Variants in TMX4 observed in about 807,000 individuals in gnomAD.
TMX4 encodes thioredoxin-related transmembrane protein 4.
Under a neutral mutation model 33.3 loss-of-function variants are expected in TMX4, and 23 were observed. The observed-to-expected ratio is 0.69, with a 90% CI of 0.50 to 0.98. TMX4 has a LOEUF of 0.98. Ranked by LOEUF, TMX4 falls within the 50% of genes least tolerant of loss-of-function variation. The pLI, the probability that TMX4 is intolerant of heterozygous loss-of-function variation, is 0.00. For synonymous variants in TMX4, 164 were observed against 161.5 expected (o/e 1.02, Z -0.12); for missense variants, 399 against 448.9 (o/e 0.89, Z 1.01).
chr20:8,001,768 T>C (rs1211602379), intron 2 of TMX4, among the ~76,000 whole-genome samples: 3 of 152,196 alleles, frequency 2.0e-5, no homozygotes, highest in African/African-American at 7.2e-5. Flanking sequence ...GCTGAAAGGA[T>C]AGGATTTAGA....
At chr20:7,991,644 AGCATTG>A (rs1047268272) in intron 5 of TMX4, among the ~76,000 whole-genome samples, 5 of 152,252 alleles carry the variant, frequency 3.3e-5, no homozygotes, top group Non-Finnish European at 4.4e-5. Context: ...GCCTGCTATC[AGCATTG>A]GCTAAAAAAA....
chr20:7,982,096 C>T lies in TMX4; in HGVS notation c.*155G>A, dbSNP rs1314943671. Reference sequence around the variant, plus strand: ...CACCTGGAAGACTCTCCTTAGTATACATGAGGCTTACTGCCATGAGACCAA... The same window carrying T: ...CACCTGGAAGACTCTCCTTAGTATATATGAGGCTTACTGCCATGAGACCAA... On this transcript the variant is annotated 3_prime_UTR_variant, in exon 8 of 8. Coordinates refer to ENST00000246024, the MANE Select transcript of TMX4 (RefSeq NM_021156.4). 2 of 717,772 alleles carry T rather than the reference C, an allele frequency of 2.8e-6. No individual in the cohort carries two copies. Among genetic ancestry groups the T allele is most frequent in the African/African-American group, 1.8e-5 (1 of 55,802 alleles). 44.5% of individuals were successfully genotyped at this position (717,772 alleles called of 1,614,324 possible). A position where few individuals can be genotyped will look rare whatever the true frequency, so the allele number is the denominator to read the frequency against.
intron 1 of TMX4, among the ~76,000 whole-genome samples, chr20:8,010,542 A>C (rs1220695474): frequency 6.6e-6 from 1 of 152,150 alleles, no homozygotes; most frequent in Non-Finnish European, 1.5e-5. Context: ...GTTTGAGAAT[A>C]TTTCCAATAA....
intron 1 of TMX4, among the ~76,000 whole-genome samples, chr20:8,012,340 T>C (rs1444451691): frequency 2.6e-5 from 4 of 152,084 alleles, no homozygotes; most frequent in East Asian, 1.9e-4. Flanking sequence ...ATTTATTTAA[T>C]AGGAGCAACC....
Position 8,010,259 on chromosome 20 carries a change from G to A in TMX4, c.233C>T (p.Ala78Val). 6.2e-7 allele frequency: 1 copy of A among 1,611,904 alleles called. No homozygotes were observed. Among genetic ancestry groups the A allele is most frequent in the Non-Finnish European group, 8.5e-7 (1 of 1,178,532 alleles). The change falls in exon 2 of 8, where the codon GCA becomes GTA. Residue 78 changes from alanine to valine, a missense_variant. Transcript: ENST00000246024. ...QQTDSEWEAF[A>V]KNGEILQISV... The stretch of plus-strand genomic sequence containing the variant: ...GATCTGAAGTATTTCACCATTCTTT[G>A]CAAAAGCCTCCCATTCTGAATCAGT...
chr20:8,005,348 G>A (rs1388387698), intron 2 of TMX4, among the ~76,000 whole-genome samples: 1 of 152,182 alleles, frequency 6.6e-6, no homozygotes, highest in African/African-American at 2.4e-5. Flanking sequence ...TATTAAACAG[G>A]CAATGTAATG....
At chr20:8,015,668 T>C (rs571603577) in intron 1 of TMX4, among the ~76,000 whole-genome samples, 1 of 152,332 alleles carries the variant, frequency 6.6e-6, no homozygotes, top group South Asian at 2.1e-4. Flanking sequence ...AGACAATCTA[T>C]TAAACTGCAA....
Position 7,981,369 on chromosome 20 carries a change from A to C in TMX4, c.*882T>G, listed in dbSNP as rs2122847813. The C allele has an allele frequency of 6.6e-6, 1 of 152,320 alleles. No individual in the cohort carries two copies. Among genetic ancestry groups the C allele is most frequent in the East Asian group, 1.9e-4 (1 of 5,182 alleles). 9.4% of individuals were successfully genotyped at this position (152,320 alleles called of 1,614,324 possible). On this transcript the variant is annotated 3_prime_UTR_variant, in exon 8 of 8. Coordinates refer to ENST00000246024, the MANE Select transcript of TMX4 (RefSeq NM_021156.4). ...GACTTAGAGGACTTCTGGCTTGAAAAATATTGCTTAGAAAACTTAAAAAAA... is the reference window on the plus strand; with the variant it reads ...GACTTAGAGGACTTCTGGCTTGAAACATATTGCTTAGAAAACTTAAAAAAA...
chr20:7,987,848 T>C (rs2050637510), intron 5 of TMX4, among the ~76,000 whole-genome samples: 1 of 152,184 alleles, frequency 6.6e-6, no homozygotes, highest in East Asian at 1.9e-4. Context: ...CTCTCATTGC[T>C]CTACACCTAT....
rs929821789 is a variant in TMX4 at position 7,978,099 on chromosome 20, T to C, written c.*4152A>G. The C allele has an allele frequency of 6.6e-6, 1 of 152,182 alleles. No homozygotes were observed. Among genetic ancestry groups the C allele is most frequent in the African/African-American group, 2.4e-5 (1 of 41,444 alleles). The allele number at this position is 152,182 out of a possible 1,614,324, so 9.4% of individuals were successfully genotyped here. The stretch of plus-strand genomic sequence containing the variant: ...GGAACTTTTCTGTTGGCATAAGAGA[T>C]TTGAATGAATTCTTTCGAAAATGTT... On this transcript the variant is annotated 3_prime_UTR_variant, in exon 8 of 8. Transcript: ENST00000246024.
At chr20:8,014,127 C>T (rs1032281085) in intron 1 of TMX4, among the ~76,000 whole-genome samples, 5 of 152,184 alleles carry the variant, frequency 3.3e-5, no homozygotes, top group African/African-American at 9.7e-5. Flanking sequence ...ATTTCTAGAA[C>T]GTGTTATCAC....
intron 5 of TMX4, 40 bp downstream of exon 5, chr20:7,995,986 C>A (rs201552288): frequency 1.4e-6 from 2 of 1,476,962 alleles, no homozygotes; most frequent in East Asian, 4.5e-5. Context: ...TTATTCTTAA[C>A]CTCTCTGCAA....
rs113660648 is a variant in TMX4, at chr20:7,983,385, A to G, written c.679+409T>C. On this transcript the variant is annotated intron_variant, in intron 7 of 7. Transcript: ENST00000246024. Reference sequence around the variant, plus strand: ...AATAGTCTGGAATAAAGACATGCAAATCCAGAGGCACCTGGCCCCAGAAGA... The same window carrying G: ...AATAGTCTGGAATAAAGACATGCAAGTCCAGAGGCACCTGGCCCCAGAAGA... Among the ~76,000 whole-genome samples the G allele has an allele frequency of 3.3e-3, 509 of 152,292 alleles. 4 individuals are homozygous for G. Among genetic ancestry groups the G allele is most frequent in the African/African-American group, 0.011 (470 of 41,562 alleles).
chr20:7,993,913 T>C (rs535140618), intron 5 of TMX4, among the ~76,000 whole-genome samples: 2 of 152,254 alleles, frequency 1.3e-5, no homozygotes, highest in East Asian at 1.9e-4. Context: ...TCCCAATAAA[T>C]ATAAATGGAT....
In TMX4 at chr20:7,982,051, T is replaced by C; in HGVS notation, c.*200A>G. ...AACAGATCCCAACACTACGTTTGTT[T>C]TTCTATATCCTGATTGTCACACCTG... is the stretch of plus-strand genomic sequence containing the variant. On this transcript the variant is annotated 3_prime_UTR_variant, in exon 8 of 8. Transcript: ENST00000246024. The C allele has an allele frequency of 3.4e-6, 2 of 585,784 alleles. No homozygotes were observed. The highest frequency in any genetic ancestry group is 5.9e-6 in the Non-Finnish European group (2 of 338,436). The allele number at this position is 585,784 out of a possible 1,614,324, so 36.3% of individuals were successfully genotyped here. A position where few individuals can be genotyped will look rare whatever the true frequency, so the allele number is the denominator to read the frequency against.
At position 7,982,449 on chromosome 20, in the gene TMX4, G is replaced by C; in HGVS notation, c.852C>G (p.Asn284Lys). ...DEAEEEEEED[N>K]LAAGVDEERS... ...TCTCCTCATCCACACCAGCAGCCAA[G>C]TTGTCCTCCTCCTCTTCTTCCTCTG... The change falls in exon 8 of 8, where the codon AAC (asparagine) becomes AAG (lysine). Residue 284 changes from asparagine to lysine, a missense_variant. Asn to Lys is a moderately conservative substitution (Grantham distance 94). Transcript: ENST00000246024. The C allele has an allele frequency of 6.2e-7, 1 of 1,614,076 alleles. No individual in the cohort carries two copies. Among genetic ancestry groups the C allele is most frequent in the Non-Finnish European group, 8.5e-7 (1 of 1,180,008 alleles).
intron 1 of TMX4, among the ~76,000 whole-genome samples, chr20:8,017,254 T>C (rs2050779591): frequency 6.6e-6 from 1 of 152,210 alleles, no homozygotes; most frequent in Non-Finnish European, 1.5e-5. Flanking sequence ...TCAATTTTCA[T>C]TGACAGCCTT....
intron 1 of TMX4, among the ~76,000 whole-genome samples, chr20:8,017,166 G>C (rs1356775152): frequency 6.6e-6 from 1 of 152,072 alleles, no homozygotes; most frequent in Non-Finnish European, 1.5e-5. Flanking sequence ...ATCACAAATA[G>C]ATAAGAACCA....
At chr20:8,004,387 G>A (rs1011924856) in intron 2 of TMX4, among the ~76,000 whole-genome samples, 1 of 152,172 alleles carries the variant, frequency 6.6e-6, no homozygotes, top group Non-Finnish European at 1.5e-5. Context: ...CTTGTCTCAG[G>A]ATAATAGTTC....
Sources: allele counts gnomAD v4.1 joint callset (sites outside exome capture counted in the v4.1 genomes callset), GRCh38; gene constraint gnomAD v4.1.1; transcripts MANE v1.5; gene names NCBI Gene and HGNC (gene_info 2026-07-23, HGNC 2026-07-21).